The following KATNA1 variants were observed in gnomAD, a reference collection of about 807,000 sequenced individuals.
The protein encoded by KATNA1 is katanin p60 ATPase-containing subunit A1.
KATNA1 carries 42 observed loss-of-function variants against 62.6 expected under a neutral mutation model. That is an observed-to-expected ratio of 0.67 (90% confidence interval 0.52 to 0.87). The LOEUF is 0.87. KATNA1 is among the 40% of genes least tolerant of loss of function. The pLI is 0.00. For missense variants in KATNA1, 498 were observed against 612.5 expected, an observed-to-expected ratio of 0.81 and a Z score of 1.97; for synonymous variants, 186 against 201.9, an observed-to-expected ratio of 0.92 and a Z score of 0.67.
At chr6:149,608,983 G>A (rs1778845677) in intron 4 of KATNA1, among the ~76,000 whole-genome samples, 2 of 152,188 alleles carry the variant, frequency 1.3e-5, no homozygotes, top group African/African-American at 4.8e-5. Flanking sequence ...GATATAATAT[G>A]AAAATGTCCA....
Position 149,597,096 on chromosome 6 carries a change from C to T in KATNA1, c.1244G>A (p.Gly415Asp), listed in dbSNP as rs1348879722. The change falls in exon 10 of 11, where the codon GGT (glycine) becomes GAT (aspartate). Residue 415 changes from glycine to aspartate, a missense_variant. By Grantham distance (94) the Gly-to-Asp change is moderately conservative. Coordinates refer to ENST00000367411, the MANE Select transcript of KATNA1 (RefSeq NM_007044.4). The stretch of plus-strand genomic sequence containing the variant: ...GTTGGTAATGTCCGCACCTGAATAA[C>T]CTTCCATGTTTTCTGCTATACTTGC... ...DLASIAENME[G>D]YSGADITNVC... 6 of 1,614,062 alleles carry T rather than the reference C, an allele frequency of 3.7e-6. No homozygotes were observed. Among genetic ancestry groups the T allele is most frequent in the Non-Finnish European group, 4.2e-6 (5 of 1,180,046 alleles).
intron 2 of KATNA1, among the ~76,000 whole-genome samples, chr6:149,637,182 T>A (rs1446485884): frequency 2.0e-5 from 3 of 151,420 alleles, no homozygotes; most frequent in Non-Finnish European, 2.9e-5. Flanking sequence ...GAGGCTGAGG[T>A]GGAAGGATCA....
chr6:149,638,031 A>G (rs1457022086), intron 2 of KATNA1, among the ~76,000 whole-genome samples: 1 of 152,180 alleles, frequency 6.6e-6, no homozygotes, highest in East Asian at 1.9e-4. Context: ...GCTGGAGTGT[A>G]GTGGTACAAG....
intron 3 of KATNA1, among the ~76,000 whole-genome samples, chr6:149,630,709 G>GTA (rs1177805880): frequency 6.6e-6 from 1 of 152,118 alleles, no homozygotes; most frequent in African/African-American, 2.4e-5. Context: ...GAACATGATG[G>GTA]TATGGGTCTT....
chr6:149,633,066 A>G (rs965125819), intron 2 of KATNA1, 150 bp from the exon 3 acceptor site: 2 of 568,554 alleles, frequency 3.5e-6, no homozygotes, highest in African/African-American at 2.0e-5. Context: ...CAAAATGTTA[A>G]TAACAGTTTA....
chr6:149,595,458 T>C (rs147607899), intron 10 of KATNA1, among the ~76,000 whole-genome samples: 100 of 152,230 alleles, frequency 6.6e-4, no homozygotes, highest in African/African-American at 2.4e-3. Context: ...TTTAAATAAT[T>C]AATACTGAAT....
At chr6:149,619,999 T>G (rs1286808648) in intron 4 of KATNA1, among the ~76,000 whole-genome samples, 2 of 152,170 alleles carry the variant, frequency 1.3e-5, no homozygotes, top group Non-Finnish European at 2.9e-5. Context: ...GGTGAAATAC[T>G]ACGTAACCAC....
intron 1 of KATNA1, among the ~76,000 whole-genome samples, chr6:149,639,131 C>G (rs113124784): frequency 0.064 from 9,745 of 152,142 alleles, 435 homozygotes; most frequent in Middle Eastern, 0.11. Context: ...GAAACCCTGT[C>G]TCTACTAAAA....
intron 3 of KATNA1, among the ~76,000 whole-genome samples, chr6:149,629,265 T>C (rs1329036611): frequency 1.3e-5 from 2 of 152,152 alleles, no homozygotes; most frequent in Non-Finnish European, 2.9e-5. Context: ...AAAGTTCATA[T>C]GTTAAAGCCC....
rs375745597 is a variant in KATNA1, at chr6:149,595,126, G to A, written c.1386C>T (p.Phe462=). 307 of 1,613,792 alleles carry A rather than the reference G, an allele frequency of 1.9e-4. No individual in the cohort carries two copies. The highest frequency in any genetic ancestry group is 2.6e-4 in the Non-Finnish European group (301 of 1,179,924). The stretch of plus-strand genomic sequence containing the variant: ...TAGAAACCTTTTTTAAAGCCATCTC[G>A]AAATCCTCCATAGTTGTAGGCATGT... ...EMHMPTTMED[F]EMALKKVSKS... is the part of the protein sequence containing the mutation. Residue 462 remains phenylalanine (F), a synonymous_variant, in exon 11 of 11, where the codon TTC becomes TTT. Transcript: ENST00000367411.
chr6:149,600,194 T>TA (rs67468519), intron 7 of KATNA1, among the ~76,000 whole-genome samples: 2,730 of 67,966 alleles, frequency 0.04, 263 homozygotes, highest in East Asian at 0.13. Context: ...GAGCTTATCT[T>TA]AAAAAAAAAA....
In KATNA1 at chr6:149,595,207, C is replaced by T. The variant is rs1486134854; in HGVS notation, c.1305G>A (p.Arg435=). The change falls in exon 11 of 11, where the codon AGG becomes AGA. Residue 435 remains arginine, a synonymous_variant. Coordinates refer to ENST00000367411, the MANE Select transcript of KATNA1 (RefSeq NM_007044.4). Reference sequence around the variant, plus strand: ...CCTCTGGAGTCAAACCTTCAATGCGCCTTCTCATTGCCATCAAGGACGCAT... The same window carrying T: ...CCTCTGGAGTCAAACCTTCAATGCGTCTTCTCATTGCCATCAAGGACGCAT... ...CRDASLMAMR[R]RIEGLTPEEI... The T allele has an allele frequency of 3.7e-6, 6 of 1,613,952 alleles. No homozygotes were observed. The highest frequency in any genetic ancestry group is 5.1e-6 in the Non-Finnish European group (6 of 1,179,914).
intron 4 of KATNA1, among the ~76,000 whole-genome samples, chr6:149,612,875 C>T (rs538362458): frequency 3.9e-5 from 6 of 152,020 alleles, no homozygotes; most frequent in South Asian, 2.1e-4. Context: ...ATGCAACAAA[C>T]GCAGAAAAGC....
chr6:149,604,402 C>T (rs1031963623), intron 5 of KATNA1, among the ~76,000 whole-genome samples: 15 of 152,070 alleles, frequency 9.9e-5, no homozygotes, highest in African/African-American at 3.4e-4. Flanking sequence ...GGAGTTTGAG[C>T]CTGCAGTGAG....
intron 3 of KATNA1, among the ~76,000 whole-genome samples, chr6:149,627,554 TG>T (rs1266901581): frequency 1.7e-4 from 25 of 144,132 alleles, no homozygotes; most frequent in Non-Finnish European, 2.8e-4. Flanking sequence ...AAAAAATTGT[TG>T]GGTAATTATT....
At chr6:149,645,207 GA>G (rs1049744524) in intron 1 of KATNA1, among the ~76,000 whole-genome samples, 73 of 152,264 alleles carry the variant, frequency 4.8e-4, no homozygotes, top group African/African-American at 1.3e-3. Context: ...AGCACTTTGG[GA>G]GGCCGAGGCA....
At chr6:149,636,600 G>T (rs1780071174) in intron 2 of KATNA1, among the ~76,000 whole-genome samples, 1 of 151,724 alleles carries the variant, frequency 6.6e-6, no homozygotes, top group Admixed American at 6.6e-5. Flanking sequence ...AGAATCTGAG[G>T]TATAATATTC....
At chr6:149,615,630 G>T (rs551242085) in intron 4 of KATNA1, among the ~76,000 whole-genome samples, 1 of 151,968 alleles carries the variant, frequency 6.6e-6, no homozygotes, top group Admixed American at 6.6e-5. Context: ...CTGGCAGAAC[G>T]GACAAAAAAC....
At chr6:149,606,924 C>A (rs564935551) in intron 4 of KATNA1, among the ~76,000 whole-genome samples, 59 of 152,166 alleles carry the variant, frequency 3.9e-4, no homozygotes, top group Middle Eastern at 6.8e-3. Flanking sequence ...CCAGCCAGAA[C>A]TGTGTAACAT....
Sources: gnomAD v4.1 joint callset for allele counts (sites outside exome capture counted in the v4.1 genomes callset) on GRCh38, gnomAD v4.1.1 for gene constraint, MANE v1.5 for transcripts, NCBI Gene and HGNC (gene_info 2026-07-23, HGNC 2026-07-21) for gene names.